Variants in CHODL observed in about 807,000 individuals in gnomAD.
CHODL encodes the protein transmembrane protein MT75.
In CHODL, 29 loss-of-function variants were observed where a neutral mutation model predicts 34.5. The ratio of observed to expected loss-of-function variants is 0.84; its 90% CI spans 0.63 to 1.15. CHODL has a LOEUF of 1.15. CHODL is among the 50% of genes most tolerant of loss of function. The probability of loss-of-function intolerance (pLI) is 0.00; values close to 1 mark genes in which losing one functional copy is unlikely to be tolerated. For missense variants in CHODL, 332 were observed against 332.5 expected, an observed-to-expected ratio of 1.00 and a Z score of 0.01; for synonymous variants, 125 against 116.1, an observed-to-expected ratio of 1.08 and a Z score of -0.49.
At chr21:17,945,022 A>G (rs1389672995) in intron 1 of CHODL, among the ~76,000 whole-genome samples, 1 of 151,562 alleles carries the variant, frequency 6.6e-6, no homozygotes, top group Admixed American at 6.6e-5. Flanking sequence ...CATCCTGGCT[A>G]ACAGGGTGAA....
chr21:17,991,994 G>A (rs920669348), intron 1 of CHODL, among the ~76,000 whole-genome samples: 5 of 152,154 alleles, frequency 3.3e-5, no homozygotes, highest in East Asian at 3.9e-4. Flanking sequence ...TTCAGTTGAT[G>A]TTTGTATATG....
intron 2 of CHODL, among the ~76,000 whole-genome samples, chr21:18,088,338 G>A (rs781133753): frequency 4.7e-4 from 71 of 152,134 alleles, no homozygotes; most frequent in Non-Finnish European, 9.4e-4. Context: ...ACTCTCCCTC[G>A]TTGGAGCAGT....
chr21:18,132,220 A>G, intron 2 of CHODL, among the ~76,000 whole-genome samples: 1 of 152,148 alleles, frequency 6.6e-6, no homozygotes, highest in South Asian at 2.1e-4. Context: ...CTCTTTAGTT[A>G]ACAAGAAAAT....
At chr21:18,133,396 TATAA>T (rs2072681562) in intron 2 of CHODL, among the ~76,000 whole-genome samples, 1 of 152,162 alleles carries the variant, frequency 6.6e-6, no homozygotes. Flanking sequence ...AGACCTTACA[TATAA>T]ATAAAGTCCT....
At chr21:17,993,021 A>G (rs1400938805) in intron 1 of CHODL, among the ~76,000 whole-genome samples, 3 of 152,134 alleles carry the variant, frequency 2.0e-5, no homozygotes, top group African/African-American at 7.2e-5. Flanking sequence ...CTCTTTTGCA[A>G]TTTGAACACC....
intron 1 of CHODL, among the ~76,000 whole-genome samples, chr21:17,942,679 A>C (rs1447409509): frequency 6.6e-6 from 1 of 152,270 alleles, no homozygotes; most frequent in Non-Finnish European, 1.5e-5. Context: ...TTAATGTGGT[A>C]GTCAGTTTTA....
intron 2 of CHODL, among the ~76,000 whole-genome samples, chr21:18,190,278 A>T (rs1377590104): frequency 2.0e-5 from 3 of 152,176 alleles, no homozygotes; most frequent in Non-Finnish European, 4.4e-5. Context: ...CACCAGTGCA[A>T]CAAGGGAAAC....
chr21:18,133,813 A>G (rs1300157301), intron 2 of CHODL, among the ~76,000 whole-genome samples: 1 of 152,180 alleles, frequency 6.6e-6, no homozygotes, highest in Non-Finnish European at 1.5e-5. Flanking sequence ...GCTCACACTC[A>G]TACTGCCTAT....
intron 2 of CHODL, among the ~76,000 whole-genome samples, chr21:18,206,863 C>CATTATTATTATTATT (rs138294885): frequency 8.2e-5 from 12 of 146,066 alleles, no homozygotes; most frequent in African/African-American, 3.0e-4. Flanking sequence ...TCTTATAACC[C>CATTATTATTATTATT]ATTATTATTA....
intron 2 of CHODL, among the ~76,000 whole-genome samples, chr21:18,207,115 A>C (rs1043929466): frequency 6.6e-6 from 1 of 151,896 alleles, no homozygotes; most frequent in South Asian, 2.1e-4. Context: ...ATTCCCACCT[A>C]TGTGTGAGAA....
At chr21:18,013,927 G>A (rs539738119) in intron 1 of CHODL, among the ~76,000 whole-genome samples, 17 of 152,010 alleles carry the variant, frequency 1.1e-4, no homozygotes, top group Middle Eastern at 3.2e-3. Context: ...GAGCCACCGC[G>A]CCTGGCTATT....
At chr21:18,172,675 A>G (rs941075096) in intron 2 of CHODL, among the ~76,000 whole-genome samples, 11 of 152,124 alleles carry the variant, frequency 7.2e-5, no homozygotes, top group Admixed American at 4.6e-4. Context: ...TGTTCTTATC[A>G]TTTTTACAGA....
chr21:17,983,701 CT>C (rs2063731553), intron 1 of CHODL, among the ~76,000 whole-genome samples: 1 of 151,862 alleles, frequency 6.6e-6, no homozygotes, highest in Non-Finnish European at 1.5e-5. Context: ...TTTTGTTTGC[CT>C]GTTTCTTTGG....
intron 1 of CHODL, among the ~76,000 whole-genome samples, chr21:17,951,955 C>T (rs2063460723): frequency 6.6e-6 from 1 of 151,432 alleles, no homozygotes; most frequent in African/African-American, 2.4e-5. Context: ...TAAGAAAGGC[C>T]AGGTACAGTG....
chr21:17,964,829 T>G (rs1260014843), intron 1 of CHODL, among the ~76,000 whole-genome samples: 1 of 152,206 alleles, frequency 6.6e-6, no homozygotes, highest in Admixed American at 6.5e-5. Context: ...GTTAACCAGA[T>G]AGCTGCCAAT....
intron 1 of CHODL, among the ~76,000 whole-genome samples, chr21:17,964,334 GA>G (rs1224814731): frequency 6.6e-6 from 1 of 152,172 alleles, no homozygotes; most frequent in Non-Finnish European, 1.5e-5. Context: ...CATATACATA[GA>G]AACAAGCACA....
intron 1 of CHODL, among the ~76,000 whole-genome samples, chr21:17,990,215 C>T (rs887029214): frequency 2.0e-5 from 3 of 151,894 alleles, no homozygotes; most frequent in Non-Finnish European, 4.4e-5. Context: ...AAATAATGTT[C>T]TATCTGTATA....
chr21:17,981,431 T>C (rs1047199944), intron 1 of CHODL, among the ~76,000 whole-genome samples: 6 of 152,194 alleles, frequency 3.9e-5, no homozygotes, highest in African/African-American at 1.4e-4. Context: ...ACTAACCTCA[T>C]TTTTGGCAAT....
chr21:18,015,169 T>A (rs995698147), intron 1 of CHODL, among the ~76,000 whole-genome samples: 14 of 152,194 alleles, frequency 9.2e-5, no homozygotes, highest in African/African-American at 2.9e-4. Flanking sequence ...TGATTTATGA[T>A]CTTTAGTGTT....
Sources: allele counts gnomAD v4.1 joint callset (sites outside exome capture counted in the v4.1 genomes callset), GRCh38; gene constraint gnomAD v4.1.1; transcripts MANE v1.5; gene names NCBI Gene and HGNC (gene_info 2026-07-23, HGNC 2026-07-21).